ACAP2: variants seen among roughly 807,000 people sequenced by gnomAD.
The protein encoded by ACAP2 is arf-GAP with coiled-coil, ANK repeat and PH domain-containing protein 2.
A neutral mutation model predicts 115.8 loss-of-function variants in ACAP2; 39 were observed. The ratio of observed to expected loss-of-function variants is 0.34; its 90% CI spans 0.26 to 0.44. ACAP2 has a LOEUF of 0.44. Among genes scored for constraint, ACAP2 ranks in the 20% least tolerant of loss-of-function variants. ACAP2 has a pLI of 1.00. For synonymous variants in ACAP2, 289 were observed against 315.8 expected, an observed-to-expected ratio of 0.92 and a Z score of 0.90; for missense variants, 662 against 927.6, an observed-to-expected ratio of 0.71 and a Z score of 3.72.
Position 195,279,288 on chromosome 3 carries a change from G to A in ACAP2, c.*40C>T. ...GTGATTTTTTAGCTGTATACATTAG[G>A]GGGTCACCAGATTTCATATTTTCCC... On this transcript the variant is annotated 3_prime_UTR_variant, in exon 23 of 23. Coordinates refer to ENST00000326793, the MANE Select transcript of ACAP2 (RefSeq NM_012287.6). 7.2e-7 allele frequency: 1 copy of A among 1,389,948 alleles called. No homozygotes were observed. Among genetic ancestry groups the A allele is most frequent in the Non-Finnish European group, 1.0e-6 (1 of 988,514 alleles). 86.1% of individuals were successfully genotyped at this position (1,389,948 alleles called of 1,614,324 possible).
At chr3:195,346,172 T>C (rs1429185383) in intron 4 of ACAP2, among the ~76,000 whole-genome samples, 3 of 152,204 alleles carry the variant, frequency 2.0e-5, no homozygotes. Context: ...TCTGTCAATT[T>C]ACTTCCAGAG....
intron 1 of ACAP2, among the ~76,000 whole-genome samples, chr3:195,435,912 T>C (rs1320997754): frequency 1.3e-5 from 2 of 152,142 alleles, no homozygotes; most frequent in African/African-American, 4.8e-5. Context: ...ATTAATCATC[T>C]GCCTGGTTGT....
intron 1 of ACAP2, among the ~76,000 whole-genome samples, chr3:195,417,340 C>A (rs1162906063): frequency 1.3e-5 from 2 of 152,006 alleles, no homozygotes; most frequent in Non-Finnish European, 2.9e-5. Flanking sequence ...TCAAATTCTC[C>A]AAAAATCTGT....
rs914841303 is a variant in ACAP2 at position 195,359,616 on chromosome 3, C to T, written c.286-14299G>A. Among the ~76,000 whole-genome samples, 7 of 152,214 alleles carry T rather than the reference C, an allele frequency of 4.6e-5. No homozygotes were observed. The East Asian group carries it at 5.8e-4, about 13-fold the overall frequency. On this transcript the variant is annotated intron_variant, in intron 4 of 22. Transcript: ENST00000326793. ...CCAAGTAGCTGGGACTACAGGCGCC[C>T]GCCACCACGCCCGGCTAATTTTTTG...
At chr3:195,307,805 A>T (rs1728515554) in intron 11 of ACAP2, among the ~76,000 whole-genome samples, 1 of 152,200 alleles carries the variant, frequency 6.6e-6, no homozygotes, top group Non-Finnish European at 1.5e-5. Flanking sequence ...ATAAATTCAA[A>T]ACCAAGTTTA....
At chr3:195,318,749 A>C (rs376830610) in intron 10 of ACAP2, among the ~76,000 whole-genome samples, 1 of 152,260 alleles carries the variant, frequency 6.6e-6, no homozygotes, top group African/African-American at 2.4e-5. Context: ...GAAGCAGAGC[A>C]TAACAGTTTG....
chr3:195,436,999 T>C (rs749560570), intron 1 of ACAP2, among the ~76,000 whole-genome samples: 2 of 152,222 alleles, frequency 1.3e-5, no homozygotes, highest in Non-Finnish European at 2.9e-5. Context: ...TTTAAATTTC[T>C]ATATGATAAA....
chr3:195,438,881 G>A (rs1235685322), intron 1 of ACAP2, among the ~76,000 whole-genome samples: 1 of 152,134 alleles, frequency 6.6e-6, no homozygotes, highest in Non-Finnish European at 1.5e-5. Flanking sequence ...CTAACATGGT[G>A]AAACTCCGTT....
chr3:195,284,158 G>C (rs541394518), intron 22 of ACAP2, among the ~76,000 whole-genome samples: 18 of 152,272 alleles, frequency 1.2e-4, no homozygotes, highest in Non-Finnish European at 2.1e-4. Context: ...CGTAAGGAAA[G>C]AGCAGCTAAC....
chr3:195,417,078 A>ATTTTTTT (rs11293878), intron 1 of ACAP2, among the ~76,000 whole-genome samples: 1 of 109,548 alleles, frequency 9.1e-6, no homozygotes, highest in Non-Finnish European at 1.8e-5. Context: ...TGCCTGGCTA[A>ATTTTTTT]TTTTTTTTTT....
chr3:195,299,415 C>CAAAAA (rs66689467), intron 15 of ACAP2, among the ~76,000 whole-genome samples: 4 of 133,784 alleles, frequency 3.0e-5, no homozygotes, highest in Middle Eastern at 3.7e-3. Context: ...ACAAAAAATA[C>CAAAAA]AAAAAAAAAA....
rs1001353720 is a variant in ACAP2 at position 195,442,246 on chromosome 3, G to T, written c.53+549C>A. ...CGCCCTCCGGAGAGTCGCTCTGGCC[G>T]GGGGCACCGCGAAGCAGAAGTCGGC... On this transcript the variant is annotated intron_variant, in intron 1 of 22. Transcript: ENST00000326793. The T allele has an allele frequency of 3.3e-5, 5 of 153,164 alleles. No homozygotes were observed. The South Asian group carries it at 5.8e-4, about 18-fold the overall frequency. The allele number at this position is 153,164 out of a possible 1,614,324, so 9.5% of individuals were successfully genotyped here.
intron 6 of ACAP2, among the ~76,000 whole-genome samples, chr3:195,338,586 A>G (rs7618499): frequency 0.29 from 44,669 of 152,076 alleles, 7,500 homozygotes; most frequent in East Asian, 0.71. Context: ...CTCCCAAAGC[A>G]CTGGGATTAC....
chr3:195,350,068 C>T (rs1318186965), intron 4 of ACAP2: 1 of 161,730 alleles, frequency 6.2e-6, no homozygotes, highest in African/African-American at 2.4e-5. Flanking sequence ...ATCATACACA[C>T]ACAAATAGAC....
At chr3:195,441,222 T>C (rs1283038006) in intron 1 of ACAP2, among the ~76,000 whole-genome samples, 1 of 152,002 alleles carries the variant, frequency 6.6e-6, no homozygotes, top group Non-Finnish European at 1.5e-5. Flanking sequence ...TAAAAATAAA[T>C]AGCTGAGTCA....
At chr3:195,393,271 C>T (rs531171728) in intron 1 of ACAP2, among the ~76,000 whole-genome samples, 9 of 152,258 alleles carry the variant, frequency 5.9e-5, no homozygotes, top group South Asian at 4.1e-4. Context: ...AGGAGGTTGA[C>T]GCTTCAGTGC....
chr3:195,400,225 T>C (rs1459102774), intron 1 of ACAP2, among the ~76,000 whole-genome samples: 1 of 151,622 alleles, frequency 6.6e-6, no homozygotes, highest in Non-Finnish European at 1.5e-5. Flanking sequence ...TATATATGTG[T>C]GTGTATATAT....
chr3:195,415,497 G>C (rs1214182055), intron 1 of ACAP2, among the ~76,000 whole-genome samples: 2 of 151,782 alleles, frequency 1.3e-5, no homozygotes, highest in Non-Finnish European at 2.9e-5. Context: ...GGCTGGTCTC[G>C]ATCTCTTGAC....
chr3:195,343,160 A>G (rs544760028), intron 5 of ACAP2, among the ~76,000 whole-genome samples: 226 of 152,344 alleles, frequency 1.5e-3, no homozygotes, highest in African/African-American at 5.2e-3. Context: ...TTCATTATTT[A>G]AATCTACATA....
Sources: gnomAD v4.1 joint callset for allele counts (sites outside exome capture counted in the v4.1 genomes callset) on GRCh38, gnomAD v4.1.1 for gene constraint, MANE v1.5 for transcripts, NCBI Gene and HGNC (gene_info 2026-07-23, HGNC 2026-07-21) for gene names.